The following GRIA3 variants were observed in gnomAD, a reference collection of about 807,000 sequenced individuals.
GRIA3 encodes the protein glutamate receptor 3.
Under a neutral mutation model 63.0 loss-of-function variants are expected in GRIA3, and 3 were observed. The ratio of observed to expected loss-of-function variants is 0.05; its 90% CI spans 0.02 to 0.12. GRIA3 has a LOEUF of 0.12. Among genes scored for constraint, GRIA3 ranks in the 10% least tolerant of loss-of-function variants. The pLI is 1.00. For synonymous variants in GRIA3, 274 were observed against 257.9 expected (o/e 1.06, Z -0.60); for missense variants, 347 against 700.9 (o/e 0.50, Z 5.70).
chrX:123,399,643 T>C (rs2045434073), intron 7 of GRIA3, among the ~76,000 whole-genome samples: 1 of 112,261 alleles, frequency 8.9e-6, no homozygotes, highest in South Asian at 3.7e-4. Context: ...TACAAGAATC[T>C]CTTATTTCTA....
At chrX:123,381,319 C>T (rs1260798403) in intron 5 of GRIA3, among the ~76,000 whole-genome samples, 1 of 111,446 alleles carries the variant, frequency 9.0e-6, no homozygotes, top group African/African-American at 3.3e-5. Flanking sequence ...TCTACCTTAG[C>T]CCACACATCT....
intron 4 of GRIA3, among the ~76,000 whole-genome samples, chrX:123,340,346 A>G (rs1288136972): frequency 8.9e-6 from 1 of 112,886 alleles, no homozygotes; most frequent in Non-Finnish European, 1.9e-5. Context: ...CATTAATTGT[A>G]TATCTGCATA....
chrX:123,483,100 CTTTTTT>C lies in GRIA3; in HGVS notation c.*2+56_*2+61del, dbSNP rs1425445438. The C allele has an allele frequency of 8.6e-6, 8 of 932,263 alleles. No homozygotes were observed. The East Asian group carries it at 2.5e-4, about 29-fold the overall frequency. The allele number at this position is 932,263 out of a possible 1,213,427, so 76.8% of individuals were successfully genotyped here. ...GCTTTACTTTACTGTATGTCAATCT[CTTTTTT>C]TCTTCTTTTTTTTTTTTTTTAGTTT... On this transcript the variant is annotated intron_variant, in intron 15 of 15. Transcript: ENST00000620443.
At chrX:123,422,688 G>A (rs1256407500) in intron 11 of GRIA3, among the ~76,000 whole-genome samples, 1 of 112,360 alleles carries the variant, frequency 8.9e-6, no homozygotes, top group Admixed American at 9.4e-5. Context: ...AAAAAGCACA[G>A]TGCCTAGCAT....
intron 3 of GRIA3, among the ~76,000 whole-genome samples, chrX:123,298,492 GC>G (rs2147312753): frequency 9.0e-6 from 1 of 111,486 alleles, no homozygotes; most frequent in Admixed American, 9.5e-5. Context: ...GTGATGTTGA[GC>G]TTTTTTCATA....
chrX:123,386,210 T>G (rs767587096), intron 5 of GRIA3, among the ~76,000 whole-genome samples: 1 of 112,159 alleles, frequency 8.9e-6, no homozygotes, highest in Non-Finnish European at 1.9e-5. Context: ...TGAGCATTTT[T>G]TCATACACCT....
chrX:123,418,460 A>AT (rs2147394047), intron 11 of GRIA3, among the ~76,000 whole-genome samples: 1 of 112,017 alleles, frequency 8.9e-6, no homozygotes, highest in East Asian at 2.8e-4. Flanking sequence ...TATTAAGAAA[A>AT]TGAAAAAAAA....
intron 12 of GRIA3, among the ~76,000 whole-genome samples, chrX:123,441,711 T>G (rs2147411413): frequency 1.8e-5 from 2 of 111,509 alleles, no homozygotes; most frequent in Admixed American, 1.9e-4. Context: ...GCCCCTTTCC[T>G]GAACATGCTA....
At chrX:123,420,479 CT>C (rs747011694) in intron 11 of GRIA3, among the ~76,000 whole-genome samples, 78 of 110,693 alleles carry the variant, frequency 7.0e-4, no homozygotes, top group Admixed American at 1.1e-3. Context: ...TTGCTAGTTT[CT>C]TTATTTTTTG....
intron 2 of GRIA3, chrX:123,202,824 G>T (rs1010209093): frequency 3.6e-6 from 4 of 1,105,482 alleles, no homozygotes; most frequent in Admixed American, 5.3e-5. Context: ...GGAAGGAAAG[G>T]GGAAAGAATC....
rs138181562 is a variant in GRIA3 at position 123,265,857 on chromosome X, G to A, written c.508+12315G>A. 6.0e-3 allele frequency among the ~76,000 whole-genome samples: 675 copies of A among 111,688 alleles called. 2 individuals carry two copies. The highest frequency in any genetic ancestry group is 0.02 in the African/African-American group (611 of 30,734). On this transcript the variant is annotated intron_variant, in intron 3 of 15. Transcript: ENST00000620443. ...CCTTTCAGGACCCTGATAGATAGGC[G>A]GCAAAAGGAAACAATGCCTAGATAG... is the stretch of plus-strand genomic sequence containing the variant.
chrX:123,388,967 C>A (rs1458010142), intron 5 of GRIA3, among the ~76,000 whole-genome samples: 1 of 112,195 alleles, frequency 8.9e-6, no homozygotes, highest in Non-Finnish European at 1.9e-5. Context: ...TTAATTTCTT[C>A]TTTGACCCAA....
intron 3 of GRIA3, among the ~76,000 whole-genome samples, chrX:123,302,745 G>A (rs145138134): frequency 9.2e-4 from 102 of 111,395 alleles, no homozygotes; most frequent in African/African-American, 3.0e-3. Flanking sequence ...ATTGGCCTGT[G>A]TGATCTTCTA....
chrX:123,393,517 T>C (rs2045397554), intron 5 of GRIA3, among the ~76,000 whole-genome samples: 1 of 112,356 alleles, frequency 8.9e-6, no homozygotes, highest in Non-Finnish European at 1.9e-5. Flanking sequence ...TTCATTGATG[T>C]AAATTTTACC....
chrX:123,382,655 G>A (rs1423955025), intron 5 of GRIA3, among the ~76,000 whole-genome samples: 1 of 111,306 alleles, frequency 9.0e-6, no homozygotes, highest in Non-Finnish European at 1.9e-5. Context: ...AGGTGTATTT[G>A]AGGTGGACAT....
intron 4 of GRIA3, among the ~76,000 whole-genome samples, chrX:123,333,567 A>G (rs1481535408): frequency 2.7e-5 from 3 of 112,068 alleles, no homozygotes; most frequent in Non-Finnish European, 5.6e-5. Flanking sequence ...GCAAAATAAT[A>G]TAACAAAAAC....
chrX:123,270,218 T>C (rs1448178405), intron 3 of GRIA3, among the ~76,000 whole-genome samples: 1 of 112,123 alleles, frequency 8.9e-6, no homozygotes, highest in Non-Finnish European at 1.9e-5. Context: ...TCCCTTCACC[T>C]GCAGGCCCAT....
intron 5 of GRIA3, among the ~76,000 whole-genome samples, chrX:123,380,315 G>A (rs1466682922): frequency 8.0e-4 from 89 of 111,898 alleles, no homozygotes; most frequent in Middle Eastern, 9.3e-3. Flanking sequence ...GTTGTTTCCC[G>A]ACTTTTTAAT....
At chrX:123,184,973 G>C in intron 1 of GRIA3, 2 of 384,381 alleles carry the variant, frequency 5.2e-6, no homozygotes, top group Non-Finnish European at 9.8e-6. Flanking sequence ...GAGGCTTTTC[G>C]GCTCGCTGCT....
Sources: gnomAD v4.1 joint callset for allele counts (sites outside exome capture counted in the v4.1 genomes callset) on GRCh38, gnomAD v4.1.1 for gene constraint, MANE v1.5 for transcripts, NCBI Gene and HGNC (gene_info 2026-07-23, HGNC 2026-07-21) for gene names.